NDUFB5: variants seen among roughly 807,000 people sequenced by gnomAD.
NDUFB5 encodes the protein NADH:ubiquinone oxidoreductase subunit B5, also known as NADH dehydrogenase [ubiquinone] 1 beta subcomplex subunit 5, mitochondrial.
In NDUFB5, 19 loss-of-function variants were observed where a neutral mutation model predicts 19.4. The observed-to-expected ratio is 0.98, with a 90% confidence interval of 0.68 to 1.43. The LOEUF (loss-of-function observed/expected upper bound fraction) is 1.43, where lower values mean the gene tolerates loss of function less well. Ranked by LOEUF, NDUFB5 falls within the 40% of genes most tolerant of loss-of-function variation. NDUFB5 has a pLI of 0.00. For missense variants in NDUFB5, 233 were observed against 236.5 expected (o/e 0.99, Z 0.10); for synonymous variants, 80 against 82.6 (o/e 0.97, Z 0.17).
At chr3:179,621,086 C>T (rs1436098792) in intron 5 of NDUFB5, among the ~76,000 whole-genome samples, 1 of 151,798 alleles carries the variant, frequency 6.6e-6, no homozygotes, top group Admixed American at 6.6e-5. Flanking sequence ...TTTCTTTCTT[C>T]CCCCCGCCCG....
chr3:179,617,510 A>C (rs1719414487), intron 4 of NDUFB5: 1 of 152,284 alleles, frequency 6.6e-6, no homozygotes, highest in African/African-American at 2.4e-5. Context: ...TAAACAACGA[A>C]TTTTGGTACT....
intron 5 of NDUFB5, among the ~76,000 whole-genome samples, chr3:179,621,614 C>T (rs1161723982): frequency 6.6e-6 from 1 of 151,118 alleles, no homozygotes; most frequent in Non-Finnish European, 1.5e-5. Context: ...CTCAGCCTCC[C>T]GAGTAGCTGG....
intron 1 of NDUFB5, among the ~76,000 whole-genome samples, chr3:179,612,406 A>G (rs1314696854): frequency 6.6e-6 from 1 of 151,902 alleles, no homozygotes; most frequent in African/African-American, 2.4e-5. Flanking sequence ...TGACATGACT[A>G]ATTGTTTAAT....
Position 179,610,163 on chromosome 3 carries a change from G to C in NDUFB5, c.125-4808G>C, listed in dbSNP as rs920283670. ...GCTGAAGTGCAGTGGCGCAATCATA[G>C]CTCACTGTAGCCTCAACCTCCTAGA... On this transcript the variant is annotated intron_variant, in intron 1 of 5. Coordinates refer to ENST00000259037, the MANE Select transcript of NDUFB5 (RefSeq NM_002492.4). 3.9e-5 allele frequency among the ~76,000 whole-genome samples: 6 copies of C among 152,122 alleles called. No individual in the cohort carries two copies. In the South Asian group the frequency reaches 1.0e-3, roughly 26 times the overall value.
rs575368920 is a variant in NDUFB5 at position 179,617,294 on chromosome 3, C to T, written c.342+250C>T. On this transcript the variant is annotated intron_variant, in intron 4 of 5. Transcript: ENST00000259037. ...CTGGGATCACAGGTGTGTGCTGCCA[C>T]TCCTGGCTAATTTTTGTATTTTTAG... The T allele has an allele frequency of 1.6e-5, 4 of 255,490 alleles. No homozygotes were observed. In the East Asian group the frequency reaches 3.8e-4, roughly 24 times the overall value. 15.8% of individuals were successfully genotyped at this position (255,490 alleles called of 1,614,324 possible).
chr3:179,618,762 A>G (rs1719450143), intron 5 of NDUFB5, among the ~76,000 whole-genome samples: 1 of 152,118 alleles, frequency 6.6e-6, no homozygotes, highest in Non-Finnish European at 1.5e-5. Flanking sequence ...GAGGCAGAAG[A>G]ATCACTTCAA....
At chr3:179,618,393 T>C in intron 4 of NDUFB5, 22 bp from the exon 5 acceptor site, 2 of 1,499,058 alleles carry the variant, frequency 1.3e-6, no homozygotes, top group Non-Finnish European at 1.8e-6. Context: ...TGGACTAATA[T>C]TAAACGAATT....
Position 179,626,267 on chromosome 3 carries a change from T to G in NDUFB5, c.*2227T>G, listed in dbSNP as rs1445748765. ...CAGATCTCTGGCCCTTTTTTTAAAT[T>G]TTTTTTTTTTTTGAATTGGGGTCAC... On this transcript the variant is annotated 3_prime_UTR_variant, in exon 6 of 6. Transcript: ENST00000259037. 6.7e-6 allele frequency: 1 copy of G among 148,882 alleles called. No individual in the cohort carries two copies. Among genetic ancestry groups the G allele is most frequent in the East Asian group, 1.9e-4 (1 of 5,156 alleles). The allele number at this position is 148,882 out of a possible 1,614,324, so 9.2% of individuals were successfully genotyped here.
chr3:179,617,632 G>T lies in NDUFB5; in HGVS notation c.342+588G>T, dbSNP rs77171850. 4.0e-3 allele frequency among the ~76,000 whole-genome samples: 604 copies of T among 152,282 alleles called. 4 individuals are homozygous for T. The highest frequency in any genetic ancestry group is 0.014 in the African/African-American group (581 of 41,560). On this transcript the variant is annotated intron_variant, in intron 4 of 5. Transcript: ENST00000259037. ...ATCCTAAGTTCAATGCCTTAGGAGAGACTTCACCAATGTTAATGCTAGCTG... is the reference window on the plus strand; with the variant it reads ...ATCCTAAGTTCAATGCCTTAGGAGATACTTCACCAATGTTAATGCTAGCTG...
chr3:179,605,053 T>C, intron 1 of NDUFB5, 114 bp downstream of exon 1: 11 of 1,380,828 alleles, frequency 8.0e-6, no homozygotes, highest in Non-Finnish European at 1.0e-5. Context: ...AGTTGTGGGC[T>C]TGGGGCTTGA....
intron 4 of NDUFB5, among the ~76,000 whole-genome samples, chr3:179,617,669 G>A (rs576871520): frequency 7.9e-4 from 121 of 152,226 alleles, no homozygotes; most frequent in African/African-American, 2.9e-3. Context: ...CATTTATTGA[G>A]CACCTACTAT....
chr3:179,611,844 T>G (rs1719250113), intron 1 of NDUFB5, among the ~76,000 whole-genome samples: 1 of 151,960 alleles, frequency 6.6e-6, no homozygotes, highest in Non-Finnish European at 1.5e-5. Context: ...GCCTTGGGCC[T>G]ATGAAATTAA....
intron 5 of NDUFB5, 57 bp from the exon 6 acceptor site, chr3:179,623,863 A>G: frequency 6.2e-7 from 1 of 1,606,118 alleles, no homozygotes. Flanking sequence ...GAAATGGCTC[A>G]TTAAATTTAT....
chr3:179,624,572 T>TATAC lies in NDUFB5; in HGVS notation c.*533_*534insTACA, dbSNP rs750458055. 1 of 128,396 alleles carries TATAC rather than the reference T, an allele frequency of 7.8e-6. No individual in the cohort carries two copies. Among genetic ancestry groups the TATAC allele is most frequent in the African/African-American group, 3.2e-5 (1 of 31,590 alleles). 8.0% of individuals were successfully genotyped at this position (128,396 alleles called of 1,614,324 possible). On this transcript the variant is annotated 3_prime_UTR_variant, in exon 6 of 6. Transcript: ENST00000259037. ...AACTACACACAGACACACAGACACG[T>TATAC]ACACACACACACACACACACACACA...
chr3:179,616,833 T>C (rs1719391239), intron 3 of NDUFB5, 150 bp from the exon 4 acceptor site: 1 of 619,276 alleles, frequency 1.6e-6, no homozygotes, highest in Non-Finnish European at 2.8e-6. Flanking sequence ...CAGATTAAAG[T>C]GAATTAAAAA....
At chr3:179,607,907 A>G in intron 1 of NDUFB5, 1 of 668,324 alleles carries the variant, frequency 1.5e-6, no homozygotes, top group South Asian at 1.7e-5. Flanking sequence ...CTTCCTTTTT[A>G]AAGCTGAATT....
intron 1 of NDUFB5, among the ~76,000 whole-genome samples, chr3:179,607,194 A>G (rs1700472299): frequency 6.6e-6 from 1 of 152,196 alleles, no homozygotes; most frequent in Non-Finnish European, 1.5e-5. Context: ...TATGTTTACT[A>G]AAGGTTACTG....
At chr3:179,618,361 AAAGC>A in intron 4 of NDUFB5, 50 bp from the exon 5 acceptor site, 1 of 1,190,832 alleles carries the variant, frequency 8.4e-7, no homozygotes, top group Non-Finnish European at 1.2e-6. Flanking sequence ...GTCAACTAGA[AAAGC>A]AAAGTATTAT....
At chr3:179,615,787 G>A (rs892167903) in intron 2 of NDUFB5, 196 bp from the exon 3 acceptor site, 1 of 616,086 alleles carries the variant, frequency 1.6e-6, no homozygotes, top group Non-Finnish European at 2.9e-6. Context: ...TTAGACTTTT[G>A]TTCTTAACAT....
Sources: gnomAD v4.1 joint callset for allele counts (sites outside exome capture counted in the v4.1 genomes callset) on GRCh38, gnomAD v4.1.1 for gene constraint, MANE v1.5 for transcripts, NCBI Gene and HGNC (gene_info 2026-07-23, HGNC 2026-07-21) for gene names.